The following FIG4 variants were observed in gnomAD, a reference collection of about 807,000 sequenced individuals.
The protein encoded by FIG4 is FIG4 phosphoinositide 5-phosphatase.
FIG4 carries 112 observed loss-of-function variants against 118.6 expected under a neutral mutation model. That is an observed-to-expected ratio of 0.94 (90% confidence interval 0.81 to 1.11). FIG4 has a LOEUF of 1.11. Ranked by LOEUF, FIG4 falls within the 50% of genes least tolerant of loss-of-function variation. The probability of loss-of-function intolerance (pLI) is 0.00; values close to 1 mark genes in which losing one functional copy is unlikely to be tolerated. For missense variants in FIG4, 969 were observed against 1,111.7 expected, an observed-to-expected ratio of 0.87 and a Z score of 1.83; for synonymous variants, 369 against 381.2, an observed-to-expected ratio of 0.97 and a Z score of 0.37.
At chr6:109,695,863 A>C (rs1183887360) in intron 1 of FIG4, among the ~76,000 whole-genome samples, 1 of 152,212 alleles carries the variant, frequency 6.6e-6, no homozygotes, top group African/African-American at 2.4e-5. Flanking sequence ...GGAGCCATCA[A>C]GTGGAAAGTT....
rs1486703513 is a variant in FIG4 at position 109,762,135 on chromosome 6, G to A, written c.1316G>A (p.Ser439Asn). ...VLDRLNVIAE[S>N]VVKKTGFFVN... ...GATCGACTAAATGTGATTGCAGAAA[G>A]TGTGGTGAAGAAAACAGGTTTCTTT... Residue 439 changes from serine (S) to asparagine (N), a missense_variant, in exon 12 of 23, where the codon AGT becomes AAT. This residue lies in a region of FIG4 where 246 missense variants were observed against 354.3 expected (regional missense o/e 0.69). Coordinates refer to ENST00000230124, the MANE Select transcript of FIG4 (RefSeq NM_014845.6). 1.9e-6 allele frequency: 3 copies of A among 1,613,766 alleles called. No individual in the cohort carries two copies. The Admixed American group carries it at 5.0e-5, about 27-fold the overall frequency.
chr6:109,792,496 A>G (rs1338026243), intron 20 of FIG4, 86 bp from the exon 21 acceptor site: 1 of 819,392 alleles, frequency 1.2e-6, no homozygotes, highest in African/African-American at 1.7e-5. Context: ...GGAAAAATTC[A>G]CAGTTTCATT....
intron 22 of FIG4, among the ~76,000 whole-genome samples, chr6:109,805,915 T>G (rs989455340): frequency 6.6e-6 from 1 of 152,192 alleles, no homozygotes; most frequent in African/African-American, 2.4e-5. Context: ...AATACATTTA[T>G]TTTTGATAAT....
chr6:109,728,943 G>A (rs1363443980), intron 4 of FIG4, among the ~76,000 whole-genome samples: 1 of 151,964 alleles, frequency 6.6e-6, no homozygotes, highest in African/African-American at 2.4e-5. Context: ...AAAATTATGA[G>A]TAATAACATG....
intron 22 of FIG4, among the ~76,000 whole-genome samples, chr6:109,798,774 A>T (rs1054279498): frequency 6.6e-6 from 1 of 152,062 alleles, no homozygotes; most frequent in African/African-American, 2.4e-5. Context: ...AATGCTGTTT[A>T]TCCTTCTTTC....
At chr6:109,697,939 A>T (rs1245589951) in intron 1 of FIG4, among the ~76,000 whole-genome samples, 9 of 150,640 alleles carry the variant, frequency 6.0e-5, no homozygotes, top group Non-Finnish European at 8.8e-5. Context: ...CCCAGGCTGG[A>T]GTGCAATGGC....
chr6:109,791,134 G>A (rs1023008838), intron 19 of FIG4, among the ~76,000 whole-genome samples: 2 of 152,112 alleles, frequency 1.3e-5, no homozygotes, highest in South Asian at 2.1e-4. Context: ...ATTTTTTCAC[G>A]CTCTGCAAGT....
chr6:109,731,379 C>T (rs1266067278), intron 4 of FIG4, among the ~76,000 whole-genome samples: 1 of 152,134 alleles, frequency 6.6e-6, no homozygotes, highest in Non-Finnish European at 1.5e-5. Flanking sequence ...TATGGGAAAA[C>T]ATGCATGGGA....
rs1777065680 is a variant in FIG4, at chr6:109,760,355, C to G, written c.1243C>G (p.Pro415Ala). 1 of 1,612,732 alleles carries G rather than the reference C, an allele frequency of 6.2e-7. No individual in the cohort carries two copies. Among genetic ancestry groups the G allele is most frequent in the Non-Finnish European group, 8.5e-7 (1 of 1,178,894 alleles). ...TCCTGAGCACACTATTGTTTATATT[C>G]CCTGGGACATGGCCAAGTATACCAA... ...LPPEHTIVYI[P>A]WDMAKYTKSK... The change falls in exon 11 of 23, where the codon CCC (proline) becomes GCC (alanine). Residue 415 changes from proline to alanine, a missense_variant. Pro to Ala is a conservative substitution (Grantham distance 27). This residue lies in a region of FIG4 where 246 missense variants were observed against 354.3 expected (regional missense o/e 0.69). Transcript: ENST00000230124.
At chr6:109,735,731 A>T (rs893069724) in intron 6 of FIG4, among the ~76,000 whole-genome samples, 2 of 152,150 alleles carry the variant, frequency 1.3e-5, no homozygotes, top group Non-Finnish European at 2.9e-5. Flanking sequence ...ATTTACATGT[A>T]ATATCTCTAA....
chr6:109,790,412 C>T (rs1778104918), intron 19 of FIG4, among the ~76,000 whole-genome samples: 1 of 152,164 alleles, frequency 6.6e-6, no homozygotes, highest in Admixed American at 6.5e-5. Flanking sequence ...AAGCCCTGAC[C>T]AGATGCTATG....
intron 8 of FIG4, among the ~76,000 whole-genome samples, chr6:109,741,908 G>A (rs74517579): frequency 0.015 from 2,227 of 152,150 alleles, 57 homozygotes; most frequent in African/African-American, 0.051. Context: ...AGGTCTGCAC[G>A]TATTCAGTTC....
intron 10 of FIG4, among the ~76,000 whole-genome samples, chr6:109,752,805 T>C (rs894565979): frequency 1.3e-5 from 2 of 152,200 alleles, no homozygotes; most frequent in African/African-American, 2.4e-5. Context: ...TTCACTCTGA[T>C]GGTAGTTTCT....
At chr6:109,801,856 C>T (rs980524271) in intron 22 of FIG4, among the ~76,000 whole-genome samples, 3 of 152,228 alleles carry the variant, frequency 2.0e-5, no homozygotes, top group African/African-American at 7.2e-5. Flanking sequence ...CTCCCACCTC[C>T]ATTGATTTCA....
chr6:109,763,697 T>A (rs1265071929), intron 12 of FIG4, among the ~76,000 whole-genome samples: 4 of 152,164 alleles, frequency 2.6e-5, no homozygotes, highest in African/African-American at 9.7e-5. Flanking sequence ...GAGTGGACAC[T>A]CAGGCAAATT....
chr6:109,779,258 G>GCTT (rs1777722428), intron 16 of FIG4, among the ~76,000 whole-genome samples: 1 of 152,134 alleles, frequency 6.6e-6, no homozygotes, highest in African/African-American at 2.4e-5. Flanking sequence ...TTTAGATACA[G>GCTT]CTTGGGAACA....
At chr6:109,812,416 A>AAGGTTTTAAGT in intron 22 of FIG4, among the ~76,000 whole-genome samples, 1 of 152,176 alleles carries the variant, frequency 6.6e-6, no homozygotes, top group South Asian at 2.1e-4. Context: ...ACTCATCCAG[A>AAGGTTTTAAGT]AGGTTTTAAG....
chr6:109,706,040 C>A (rs757963522), intron 1 of FIG4, among the ~76,000 whole-genome samples: 5 of 152,200 alleles, frequency 3.3e-5, no homozygotes, highest in Non-Finnish European at 5.9e-5. Context: ...CATAGTTGTT[C>A]TTTCACCTAA....
intron 10 of FIG4, among the ~76,000 whole-genome samples, chr6:109,745,196 A>G (rs745687289): frequency 1.7e-4 from 26 of 152,296 alleles, no homozygotes; most frequent in African/African-American, 6.3e-4. Context: ...TTCTAGTTCT[A>G]GATCCTTGAG....
Sources: allele counts gnomAD v4.1 joint callset (sites outside exome capture counted in the v4.1 genomes callset), GRCh38; gene constraint gnomAD v4.1.1; regional missense constraint gnomAD v4.1.1; transcripts MANE v1.5; gene names NCBI Gene and HGNC (gene_info 2026-07-23, HGNC 2026-07-21).